The following TUSC3 variants were observed in gnomAD, a reference collection of about 807,000 sequenced individuals.
The protein encoded by TUSC3 is dolichyl-diphosphooligosaccharide--protein glycosyltransferase subunit TUSC3.
In TUSC3, 45 loss-of-function variants were observed where a neutral mutation model predicts 44.8. That is an observed-to-expected ratio of 1.00 (90% CI 0.79 to 1.29). The LOEUF is 1.29. Among genes scored for constraint, TUSC3 ranks in the 50% most tolerant of loss-of-function variants. TUSC3 has a pLI of 0.00. For synonymous variants in TUSC3, 212 were observed against 152.9 expected, an observed-to-expected ratio of 1.39 and a Z score of -2.85; for missense variants, 519 against 437.9, an observed-to-expected ratio of 1.19 and a Z score of -1.65.
chr8:15,692,375 G>GGT (rs1808948426), intron 6 of TUSC3, among the ~76,000 whole-genome samples: 1 of 68,346 alleles, frequency 1.5e-5, no homozygotes. Context: ...CCCCCCCTTT[G>GGT]TTTTTTTTTT....
the TUSC3 span, among the ~76,000 whole-genome samples, chr8:15,785,424 CATTA>C: frequency 1.3e-5 from 2 of 150,836 alleles, no homozygotes; most frequent in African/African-American, 2.4e-5. Flanking sequence ...ATTAAAAGTA[CATTA>C]ATTATTGTGG....
intron 2 of TUSC3, among the ~76,000 whole-genome samples, chr8:15,507,845 T>G (rs938197764): frequency 1.7e-4 from 26 of 152,192 alleles, no homozygotes; most frequent in African/African-American, 5.3e-4. Context: ...AAAAAAAGAT[T>G]AATGGCCTCC....
At chr8:15,702,088 C>T (rs942085591) in intron 6 of TUSC3, among the ~76,000 whole-genome samples, 2 of 152,032 alleles carry the variant, frequency 1.3e-5, no homozygotes, top group African/African-American at 4.8e-5. Flanking sequence ...TGTAAGAGAC[C>T]AGTCACGGCT....
At chr8:15,536,090 A>G (rs1336752153), upstream of TUSC3, among the ~76,000 whole-genome samples, 1 of 152,190 alleles carries the variant, frequency 6.6e-6, no homozygotes, top group Admixed American at 6.5e-5. Context: ...CCCAGGGAAT[A>G]CAAAAGATTG....
At chr8:15,511,491 A>G (rs750048734) in intron 2 of TUSC3, among the ~76,000 whole-genome samples, 49 of 152,210 alleles carry the variant, frequency 3.2e-4, no homozygotes, top group Admixed American at 2.0e-4. Flanking sequence ...TTAGCAATGA[A>G]CAGTCAGAAC....
chr8:15,596,567 A>G (rs985607462), intron 1 of TUSC3, among the ~76,000 whole-genome samples: 10 of 152,098 alleles, frequency 6.6e-5, no homozygotes, highest in African/African-American at 2.4e-4. Context: ...AATGACTATA[A>G]TTTTCAGATA....
chr8:15,470,056 G>A (rs1800466291), intron 1 of TUSC3, among the ~76,000 whole-genome samples: 1 of 151,354 alleles, frequency 6.6e-6, no homozygotes, highest in South Asian at 2.1e-4. Flanking sequence ...AGCAGTTCAA[G>A]ACCAGCCTGG....
intron 3 of TUSC3, among the ~76,000 whole-genome samples, chr8:15,656,940 C>T (rs907265037): frequency 2.6e-5 from 4 of 152,178 alleles, no homozygotes; most frequent in Non-Finnish European, 5.9e-5. Context: ...TTGAGCAACA[C>T]TTGAGCCTAC....
chr8:15,743,729 T>TGAA, intron 8 of TUSC3, 117 bp downstream of exon 8: 1 of 1,167,278 alleles, frequency 8.6e-7, no homozygotes, highest in East Asian at 2.4e-5. Flanking sequence ...TGTTCTGGTT[T>TGAA]GAAGAAGATT....
rs1807321513 is a variant in TUSC3 at position 15,659,438 on chromosome 8, A to T, written c.427-69A>T. On this transcript the variant is annotated intron_variant, in intron 3 of 10. Transcript: ENST00000503731. ...GCTGTTTTCCCCGAATTTCTACAGA[A>T]AAAGTGTAAAATATTGGATTAATGA... The T allele has an allele frequency of 1.9e-6, 3 of 1,565,952 alleles. No homozygotes were observed. In the African/African-American group the frequency reaches 4.1e-5, roughly 21 times the overall value.
At chr8:15,504,604 TATATATATATATATATA>T (rs1173409556) in intron 2 of TUSC3, among the ~76,000 whole-genome samples, 792 of 39,684 alleles carry the variant, frequency 0.02, 28 homozygotes, top group East Asian at 0.11. Flanking sequence ...TATATATATA[TATATATATATATATATA>T]TTTTTTTTTT....
rs148185505 is a variant in TUSC3, at chr8:15,632,899, A to T, written c.308+9650A>T. ...CTCCTTTAGTCTACTTTCTGGTACA[A>T]GATATTCTAAGCTTACGTTGTATGT... On this transcript the variant is annotated intron_variant, in intron 2 of 10. Transcript: ENST00000503731. Among the ~76,000 whole-genome samples the T allele has an allele frequency of 4.5e-3, 685 of 152,284 alleles. 2 individuals are homozygous for T. The highest frequency in any genetic ancestry group is 8.0e-3 in the Non-Finnish European group (542 of 68,032).
chr8:15,775,772 ATATATCTT>A, the TUSC3 span, among the ~76,000 whole-genome samples: 2 of 121,178 alleles, frequency 1.7e-5, no homozygotes, highest in East Asian at 5.2e-4. Flanking sequence ...ATATATATAT[ATATATCTT>A]CCGTAATAAA....
At chr8:15,511,549 C>G (rs1294496393) in intron 2 of TUSC3, among the ~76,000 whole-genome samples, 3 of 152,030 alleles carry the variant, frequency 2.0e-5, no homozygotes, top group Non-Finnish European at 4.4e-5. Context: ...ACCAAAAATA[C>G]TAAATACAGA....
chr8:15,784,102 G>A, the TUSC3 span, among the ~76,000 whole-genome samples: 3 of 152,152 alleles, frequency 2.0e-5, no homozygotes, highest in East Asian at 1.9e-4. Flanking sequence ...AAAAATGCTC[G>A]ACAACACTAA....
intron 2 of TUSC3, among the ~76,000 whole-genome samples, chr8:15,518,932 C>T (rs1801256977): frequency 6.6e-6 from 1 of 152,124 alleles, no homozygotes; most frequent in Non-Finnish European, 1.5e-5. Context: ...GTTCAGTGAA[C>T]TTTGCCCATG....
chr8:15,577,340 G>T (rs961451398), intron 1 of TUSC3, among the ~76,000 whole-genome samples: 7 of 151,690 alleles, frequency 4.6e-5, no homozygotes, highest in East Asian at 1.9e-4. Flanking sequence ...GTCAATTTTG[G>T]CTTTTGTTGC....
chr8:15,594,415 C>G (rs1437219288), intron 1 of TUSC3, among the ~76,000 whole-genome samples: 6 of 151,908 alleles, frequency 3.9e-5, no homozygotes, highest in African/African-American at 1.2e-4. Context: ...AATGTATTTT[C>G]CTGCTTTTTT....
At chr8:15,524,135 C>T (rs899723481) in intron 2 of TUSC3, among the ~76,000 whole-genome samples, 1 of 151,510 alleles carries the variant, frequency 6.6e-6, no homozygotes, top group Non-Finnish European at 1.5e-5. Flanking sequence ...TAAACTAGCC[C>T]ACAATCCTAA....
Sources: allele counts gnomAD v4.1 joint callset (sites outside exome capture counted in the v4.1 genomes callset), GRCh38; gene constraint gnomAD v4.1.1; transcripts MANE v1.5; gene names NCBI Gene and HGNC (gene_info 2026-07-23, HGNC 2026-07-21).